The following MRTFA variants were observed in gnomAD, a reference collection of about 807,000 sequenced individuals.
The protein encoded by MRTFA is myocardin-related transcription factor A.
A neutral mutation model predicts 83.5 loss-of-function variants in MRTFA; 20 were observed. The observed-to-expected ratio is 0.24, with a 90% CI of 0.17 to 0.35. The LOEUF is 0.35. Ranked by LOEUF, MRTFA falls within the 10% of genes least tolerant of loss-of-function variation. The pLI is 1.00. For missense variants in MRTFA, 1,200 were observed against 1,224.7 expected (o/e 0.98, Z 0.30); for synonymous variants, 659 against 541.2 (o/e 1.22, Z -3.02).
At chr22:40,469,032 G>A (rs994053391) in intron 3 of MRTFA, among the ~76,000 whole-genome samples, 2 of 152,180 alleles carry the variant, frequency 1.3e-5, no homozygotes, top group African/African-American at 4.8e-5. Context: ...TAATACTAGA[G>A]CATTTCTACA....
At chr22:40,581,361 A>G (rs573888982) in intron 2 of MRTFA, among the ~76,000 whole-genome samples, 1 of 152,340 alleles carries the variant, frequency 6.6e-6, no homozygotes, top group East Asian at 1.9e-4. Flanking sequence ...TACAAGATGT[A>G]TATTTTGTAC....
Position 40,417,415 on chromosome 22 carries a change from C to A in MRTFA, c.2443G>T (p.Gly815Trp), listed in dbSNP as rs762043948. ...TTCTTCAGCAGAGAAGTGGGGGTCC[C>A]AAAGAGGGGCTGCAGTGGGTGCTCC... The change falls in exon 13 of 15, where the codon GGG (glycine) becomes TGG (tryptophan). Residue 815 changes from glycine (G) to tryptophan (W), a missense_variant. Gly to Trp is a radical substitution (Grantham distance 184). Transcript: ENST00000355630. 3 of 1,610,320 alleles carry A rather than the reference C, an allele frequency of 1.9e-6. No individual in the cohort carries two copies. The highest frequency in any genetic ancestry group is 2.5e-6 in the Non-Finnish European group (3 of 1,179,308).
At chr22:40,490,530 C>T (rs1280328997) in intron 3 of MRTFA, among the ~76,000 whole-genome samples, 8 of 150,476 alleles carry the variant, frequency 5.3e-5, no homozygotes, top group East Asian at 1.9e-4. Context: ...ACCCAGGAGG[C>T]GGAGCTTGCA....
At chr22:40,560,842 A>G (rs1335275363) in intron 2 of MRTFA, among the ~76,000 whole-genome samples, 1 of 152,166 alleles carries the variant, frequency 6.6e-6, no homozygotes, top group Non-Finnish European at 1.5e-5. Flanking sequence ...CTGCCTGTAC[A>G]GAACAACATA....
At chr22:40,612,140 T>C (rs2056394064) in intron 1 of MRTFA, among the ~76,000 whole-genome samples, 1 of 152,220 alleles carries the variant, frequency 6.6e-6, no homozygotes, top group African/African-American at 2.4e-5. Flanking sequence ...ATTTGTGTAA[T>C]TCCTCACAAT....
At chr22:40,551,389 G>A (rs375723561) in intron 3 of MRTFA, among the ~76,000 whole-genome samples, 1 of 151,978 alleles carries the variant, frequency 6.6e-6, no homozygotes, top group East Asian at 1.9e-4. Flanking sequence ...GTTTATTTGA[G>A]ATAGAGTCTC....
At position 40,420,619 on chromosome 22, in the gene MRTFA, G is replaced by A. The variant is rs201857556; in HGVS notation, c.1182-43C>T. 44 of 1,599,082 alleles carry A rather than the reference G, an allele frequency of 2.8e-5. No individual in the cohort carries two copies. In the East Asian group the frequency reaches 3.8e-4, roughly 14 times the overall value. ...AAATTAGCCCCATCCAGCTTCGCCC[G>A]TGGCCTCTGCAGGTGGCAGCCCAAG... On this transcript the variant is annotated intron_variant, in intron 10 of 14. Transcript: ENST00000355630.
intron 1 of MRTFA, among the ~76,000 whole-genome samples, chr22:40,624,858 C>T (rs2056563706): frequency 6.6e-6 from 1 of 152,278 alleles, no homozygotes; most frequent in South Asian, 2.1e-4. Context: ...CTGCCAGATA[C>T]ACTTTAAGAA....
At chr22:40,491,908 T>C (rs993322925) in intron 3 of MRTFA, among the ~76,000 whole-genome samples, 6 of 152,084 alleles carry the variant, frequency 3.9e-5, no homozygotes, top group Non-Finnish European at 7.4e-5. Flanking sequence ...TACAGAGAAA[T>C]AGGACTGGGA....
At chr22:40,610,662 A>G (rs2056376411) in intron 1 of MRTFA, among the ~76,000 whole-genome samples, 1 of 152,164 alleles carries the variant, frequency 6.6e-6, no homozygotes, top group African/African-American at 2.4e-5. Flanking sequence ...ATTCAGCTTC[A>G]TACTAGGAAT....
At position 40,419,196 on chromosome 22, in the gene MRTFA, C is replaced by A; in HGVS notation, c.1542G>T (p.Arg514=). ...CCACCAGGGCTGGCCCCGTGCTCAG[C>A]CGGGCCGCTGGGAAGGCTACCACCA... Residue 514 remains arginine, a synonymous_variant, in exon 12 of 15, where the codon CGG becomes CGT. Transcript: ENST00000355630. 1 of 1,590,818 alleles carries A rather than the reference C, an allele frequency of 6.3e-7. No homozygotes were observed. Among genetic ancestry groups the A allele is most frequent in the Non-Finnish European group, 8.6e-7 (1 of 1,168,696 alleles).
At position 40,556,068 on chromosome 22, in the gene MRTFA, G is replaced by T. The variant is rs1033686837; in HGVS notation, c.-21-3701C>A. Among the ~76,000 whole-genome samples, 10 of 152,206 alleles carry T rather than the reference G, an allele frequency of 6.6e-5. No homozygotes were observed. In the South Asian group the frequency reaches 8.3e-4, roughly 13 times the overall value. ...ATTATACAAAGAAAAAAGATTTTAAGAAGTATACCAAGACACAAAAGAGGG... is the reference window on the plus strand; with the variant it reads ...ATTATACAAAGAAAAAAGATTTTAATAAGTATACCAAGACACAAAAGAGGG... On this transcript the variant is annotated intron_variant, in intron 2 of 14. Coordinates refer to ENST00000355630, the MANE Select transcript of MRTFA (RefSeq NM_020831.6).
intron 1 of MRTFA, among the ~76,000 whole-genome samples, chr22:40,604,814 G>A (rs1244959138): frequency 6.6e-6 from 1 of 152,078 alleles, no homozygotes; most frequent in East Asian, 1.9e-4. Flanking sequence ...TATTCAGCAC[G>A]ATCACCATGT....
chr22:40,587,291 G>A (rs534289398), intron 2 of MRTFA: 38 of 483,394 alleles, frequency 7.9e-5, no homozygotes, highest in East Asian at 1.8e-4. Flanking sequence ...CCCATCAGGA[G>A]CAAGTTTCAA....
intron 2 of MRTFA, among the ~76,000 whole-genome samples, chr22:40,558,489 AATT>A (rs1276463059): frequency 2.6e-5 from 4 of 151,830 alleles, no homozygotes; most frequent in African/African-American, 9.7e-5. Context: ...TACTACTTTG[AATT>A]ATTATTATTG....
intron 1 of MRTFA, among the ~76,000 whole-genome samples, chr22:40,622,123 G>A (rs967666714): frequency 3.9e-5 from 6 of 152,124 alleles, no homozygotes; most frequent in African/African-American, 1.2e-4. Context: ...GCCTAATACC[G>A]GGAATCTGTG....
rs528247823 is a variant in MRTFA, at chr22:40,441,923, T to A, written c.308-6369A>T. On this transcript the variant is annotated intron_variant, in intron 4 of 14. Transcript: ENST00000355630. ...GCTGTGCTCAGTGTGTCGACACAGATGTGTGATGACAGCGCAGGGGCCCCA... is the reference window on the plus strand; with the variant it reads ...GCTGTGCTCAGTGTGTCGACACAGAAGTGTGATGACAGCGCAGGGGCCCCA... 3.3e-5 allele frequency among the ~76,000 whole-genome samples: 5 copies of A among 151,872 alleles called. No individual in the cohort carries two copies. In the East Asian group the frequency reaches 9.7e-4, roughly 29 times the overall value.
chr22:40,480,262 C>T (rs373058000), intron 3 of MRTFA, among the ~76,000 whole-genome samples: 13 of 151,844 alleles, frequency 8.6e-5, no homozygotes, highest in African/African-American at 2.9e-4. Flanking sequence ...CACACCAGTT[C>T]TCTGTATGTT....
chr22:40,461,204 CAAAA>C (rs55733153), intron 4 of MRTFA, among the ~76,000 whole-genome samples: 9 of 50,296 alleles, frequency 1.8e-4, no homozygotes, highest in Middle Eastern at 0.014. Flanking sequence ...GAACTTGTCT[CAAAA>C]AAAAAAAAAA....
Sources: gnomAD v4.1 joint callset for allele counts (sites outside exome capture counted in the v4.1 genomes callset) on GRCh38, gnomAD v4.1.1 for gene constraint, MANE v1.5 for transcripts, NCBI Gene and HGNC (gene_info 2026-07-23, HGNC 2026-07-21) for gene names.